The following TRPM8 variants were observed in gnomAD, a reference collection of about 807,000 sequenced individuals.
TRPM8 encodes the protein transient receptor potential cation channel subfamily M member 8.
A neutral mutation model predicts 133.7 loss-of-function variants in TRPM8; 110 were observed. That is an observed-to-expected ratio of 0.82 (90% CI 0.70 to 0.96). The LOEUF is 0.96. TRPM8 is among the 40% of genes least tolerant of loss of function. The pLI is 0.00. For synonymous variants in TRPM8, 535 were observed against 532.3 expected, an observed-to-expected ratio of 1.01 and a Z score of -0.07; for missense variants, 1,291 against 1,379.5, an observed-to-expected ratio of 0.94 and a Z score of 1.02.
At chr2:233,959,386 G>A (rs902131780) in intron 11 of TRPM8, among the ~76,000 whole-genome samples, 76 of 144,480 alleles carry the variant, frequency 5.3e-4, no homozygotes, top group African/African-American at 1.9e-3. Flanking sequence ...GAGTGCAGAG[G>A]TGCAATCTTG....
chr2:233,920,933 C>T (rs368763244), intron 1 of TRPM8, among the ~76,000 whole-genome samples: 13 of 151,002 alleles, frequency 8.6e-5, no homozygotes, highest in Non-Finnish European at 1.3e-4. Context: ...CTTGGCTCAC[C>T]GCAACCTCCG....
intron 9 of TRPM8, among the ~76,000 whole-genome samples, chr2:233,952,314 C>T (rs1028573010): frequency 7.9e-5 from 12 of 152,124 alleles, no homozygotes; most frequent in Middle Eastern, 3.4e-3. Flanking sequence ...AATTGCAAGT[C>T]GAAATGGGTG....
chr2:234,001,020 G>A (rs138645442), intron 22 of TRPM8, among the ~76,000 whole-genome samples: 2,450 of 152,296 alleles, frequency 0.016, 68 homozygotes, highest in Admixed American at 0.066. Context: ...AAGAGTGGAA[G>A]GTTGTGGAGA....
intron 19 of TRPM8, among the ~76,000 whole-genome samples, chr2:233,982,173 A>G (rs1692026617): frequency 6.6e-6 from 1 of 152,202 alleles, no homozygotes; most frequent in Admixed American, 6.5e-5. Context: ...TTCACAAGTT[A>G]CTTTCATTTG....
chr2:233,956,434 A>G (rs1691295482), intron 11 of TRPM8, among the ~76,000 whole-genome samples: 1 of 152,226 alleles, frequency 6.6e-6, no homozygotes, highest in South Asian at 2.1e-4. Flanking sequence ...AAGTGCAGTC[A>G]GCCCTAGGAG....
chr2:233,939,212 C>T (rs1690843134), intron 5 of TRPM8, 37 bp downstream of exon 5: 1 of 1,606,220 alleles, frequency 6.2e-7, no homozygotes, highest in Non-Finnish European at 8.5e-7. Flanking sequence ...TTCTTCCATT[C>T]GGGCTGCACC....
In TRPM8 at chr2:233,950,001, C is replaced by T. The variant is rs201141727; in HGVS notation, c.995C>T (p.Ser332Leu). 14 of 1,614,142 alleles carry T rather than the reference C, an allele frequency of 8.7e-6. No homozygotes were observed. The highest frequency in any genetic ancestry group is 3.3e-4 in the Middle Eastern group (2 of 6,052). ...NKIPCVVVEG[S>L]GQIADVIASL... ...ATTCCTTGTGTGGTGGTGGAAGGCT[C>T]GGGCCAGATCGCTGATGTGATCGCT... The change falls in exon 9 of 26, where the codon TCG (serine) becomes TTG (leucine). Residue 332 changes from serine to leucine, a missense_variant. Ser to Leu is a moderately radical substitution (Grantham distance 145). This residue lies in a region of TRPM8 where 963 missense variants were observed against 968.9 expected (regional missense o/e 0.99). Coordinates refer to ENST00000324695, the MANE Select transcript of TRPM8 (RefSeq NM_024080.5).
chr2:233,992,009 T>A (rs1379130896), intron 21 of TRPM8, among the ~76,000 whole-genome samples: 2 of 152,192 alleles, frequency 1.3e-5, no homozygotes, highest in African/African-American at 4.8e-5. Context: ...CAAACATATA[T>A]AATTTCCCAG....
intron 17 of TRPM8, among the ~76,000 whole-genome samples, chr2:233,979,754 C>T (rs763681204): frequency 5.3e-5 from 8 of 152,184 alleles, no homozygotes; most frequent in Non-Finnish European, 8.8e-5. Context: ...AGATGTTTTA[C>T]TGCCATGTGG....
intron 23 of TRPM8, among the ~76,000 whole-genome samples, chr2:234,007,448 G>A (rs1464011982): frequency 1.3e-5 from 2 of 152,202 alleles, no homozygotes; most frequent in Admixed American, 1.3e-4. Context: ...GCATGAAGCT[G>A]TTATAAAATC....
At chr2:233,974,239 G>A (rs1406663613) in intron 17 of TRPM8, among the ~76,000 whole-genome samples, 5 of 151,758 alleles carry the variant, frequency 3.3e-5, no homozygotes, top group East Asian at 1.9e-4. Flanking sequence ...TAGTTTTTTT[G>A]TTGTTTTTTT....
intron 20 of TRPM8, among the ~76,000 whole-genome samples, chr2:233,984,304 G>T (rs1206360256): frequency 6.6e-6 from 1 of 152,166 alleles, no homozygotes; most frequent in Non-Finnish European, 1.5e-5. Flanking sequence ...GCACGGAGCA[G>T]CTCTCAGAGG....
At chr2:233,976,711 T>C (rs1262098585) in intron 17 of TRPM8, among the ~76,000 whole-genome samples, 4 of 152,162 alleles carry the variant, frequency 2.6e-5, no homozygotes, top group Non-Finnish European at 5.9e-5. Context: ...AGCAACAGTA[T>C]GGGAAGCACC....
Position 233,963,375 on chromosome 2 carries a change from C to T in TRPM8, c.1747C>T (p.Gln583Ter). The change falls in exon 13 of 26, where the codon CAG becomes TAG. Residue 583 changes from glutamine to a stop codon, truncating the protein, a stop_gained and splice_region_variant. Transcript: ENST00000324695. LOFTEE classifies it high-confidence loss of function. Reference protein sequence around the residue: ...KKELSKVIWEQTRGCTLAALG... With the variant: ...KKELSKVIWE The stretch of plus-strand genomic sequence containing the variant: ...GGAACTCTCCAAAGTCATTTGGGAG[C>T]AGGTAAGTGCCCAAGCCCACATCAG... 1 of 1,598,022 alleles carries T rather than the reference C, an allele frequency of 6.3e-7. No individual in the cohort carries two copies. The highest frequency in any genetic ancestry group is 8.6e-7 in the Non-Finnish European group (1 of 1,166,840).
At position 233,939,179 on chromosome 2, in the gene TRPM8, A is replaced by C. The variant is rs2302153; in HGVS notation, c.526+4A>C. ...ATCTACATCGCGCAGTCCAAAGGTG[A>C]GGGTGGGAGCAGCGACCGCGGGTTC... is the stretch of plus-strand genomic sequence containing the variant. On this transcript the variant is annotated splice_donor_region_variant and intron_variant, in intron 5 of 25. Coordinates refer to ENST00000324695, the MANE Select transcript of TRPM8 (RefSeq NM_024080.5). The C allele has an allele frequency of 0.23, 378,155 of 1,612,780 alleles. 49,022 individuals carry two copies. Among genetic ancestry groups the C allele is most frequent in the East Asian group, 0.44 (19,683 of 44,824 alleles).
intron 24 of TRPM8, chr2:234,013,763 T>A (rs1692895151): frequency 6.6e-6 from 1 of 152,176 alleles, no homozygotes. Flanking sequence ...GAAAACAAAG[T>A]TATTTACAAT....
At chr2:233,959,324 CCT>C in intron 11 of TRPM8, among the ~76,000 whole-genome samples, 1 of 129,934 alleles carries the variant, frequency 7.7e-6, no homozygotes, top group South Asian at 2.6e-4. Context: ...CCTCGCCCAG[CCT>C]TTTTTTTTTT....
chr2:233,943,992 A>G (rs1690980634), intron 6 of TRPM8, among the ~76,000 whole-genome samples: 1 of 151,978 alleles, frequency 6.6e-6, no homozygotes, highest in Non-Finnish European at 1.5e-5. Flanking sequence ...GTGCATCTTC[A>G]AGGAGGAAGC....
chr2:234,009,686 C>G (rs148174417), intron 24 of TRPM8, among the ~76,000 whole-genome samples: 1 of 152,106 alleles, frequency 6.6e-6, no homozygotes, highest in Non-Finnish European at 1.5e-5. Context: ...TAAAATTTCC[C>G]CCTCTGTCCT....
Sources: gnomAD v4.1 joint callset for allele counts (sites outside exome capture counted in the v4.1 genomes callset) on GRCh38, gnomAD v4.1.1 for gene constraint, gnomAD v4.1.1 regional missense constraint, MANE v1.5 for transcripts, NCBI Gene and HGNC (gene_info 2026-07-23, HGNC 2026-07-21) for gene names.